The following GULP1 variants were observed in gnomAD, a reference collection of about 807,000 sequenced individuals.
GULP1 encodes the protein PTB domain-containing engulfment adapter protein 1.
Under a neutral mutation model 40.9 loss-of-function variants are expected in GULP1, and 19 were observed. The observed-to-expected ratio is 0.46, with a 90% CI of 0.32 to 0.68. The LOEUF is 0.68. Ranked by LOEUF, GULP1 falls within the 30% of genes least tolerant of loss-of-function variation. GULP1 has a pLI of 0.03. For synonymous variants in GULP1, 119 were observed against 117.6 expected, an observed-to-expected ratio of 1.01 and a Z score of -0.08; for missense variants, 312 against 362.2, an observed-to-expected ratio of 0.86 and a Z score of 1.12.
At chr2:188,507,211 A>G (rs904523411) in intron 4 of GULP1, among the ~76,000 whole-genome samples, 4 of 151,862 alleles carry the variant, frequency 2.6e-5, no homozygotes, top group African/African-American at 7.3e-5. Context: ...ATAAAATGCT[A>G]TCTATCTTCA....
intron 2 of GULP1, among the ~76,000 whole-genome samples, chr2:188,454,934 G>A (rs2059137962): frequency 6.6e-6 from 1 of 151,996 alleles, no homozygotes; most frequent in Non-Finnish European, 1.5e-5. Flanking sequence ...TCCGGCCTGG[G>A]AAACATAGTG....
At chr2:188,461,956 T>A (rs2059741276) in intron 2 of GULP1, among the ~76,000 whole-genome samples, 1 of 152,100 alleles carries the variant, frequency 6.6e-6, no homozygotes, top group African/African-American at 2.4e-5. Flanking sequence ...TTATTATTTC[T>A]CCTCTGTTGG....
intron 4 of GULP1, among the ~76,000 whole-genome samples, chr2:188,517,549 C>T (rs987545876): frequency 1.3e-5 from 2 of 151,934 alleles, no homozygotes; most frequent in Non-Finnish European, 2.9e-5. Context: ...AGGCTTTTCT[C>T]GAATATATTC....
intron 2 of GULP1, among the ~76,000 whole-genome samples, chr2:188,430,562 A>G (rs1397407961): frequency 6.6e-6 from 1 of 152,218 alleles, no homozygotes; most frequent in African/African-American, 2.4e-5. Flanking sequence ...AACACTTTAA[A>G]CATATGTTTG....
chr2:188,403,287 G>T (rs1224747663), intron 2 of GULP1, among the ~76,000 whole-genome samples: 1 of 151,912 alleles, frequency 6.6e-6, no homozygotes, highest in Non-Finnish European at 1.5e-5. Flanking sequence ...ATTACGAAGA[G>T]ATTCCAAGGT....
intron 4 of GULP1, among the ~76,000 whole-genome samples, chr2:188,492,248 T>A (rs544104846): frequency 1.3e-5 from 2 of 152,082 alleles, no homozygotes; most frequent in East Asian, 3.9e-4. Flanking sequence ...GTGTTATATA[T>A]TTAAGAACAA....
At chr2:188,440,747 T>A (rs932227393) in intron 2 of GULP1, among the ~76,000 whole-genome samples, 1 of 152,186 alleles carries the variant, frequency 6.6e-6, no homozygotes, top group African/African-American at 2.4e-5. Flanking sequence ...CAAACCAAGT[T>A]GTTTGTTATC....
intron 2 of GULP1, among the ~76,000 whole-genome samples, chr2:188,442,816 C>G (rs2058051524): frequency 6.6e-6 from 1 of 152,156 alleles, no homozygotes; most frequent in Admixed American, 6.5e-5. Flanking sequence ...AATAATGGCG[C>G]TATAAAATTC....
At chr2:188,453,114 T>G (rs2058968752) in intron 2 of GULP1, among the ~76,000 whole-genome samples, 1 of 152,038 alleles carries the variant, frequency 6.6e-6, no homozygotes, top group Non-Finnish European at 1.5e-5. Flanking sequence ...CACTATGCCC[T>G]TCTTTTTAAT....
intron 1 of GULP1, among the ~76,000 whole-genome samples, chr2:188,332,981 T>G (rs2041813097): frequency 6.6e-6 from 1 of 152,180 alleles, no homozygotes; most frequent in South Asian, 2.1e-4. Flanking sequence ...TGGTGGCTCA[T>G]GCCTGTAATC....
intron 2 of GULP1, among the ~76,000 whole-genome samples, chr2:188,441,022 A>T (rs748025538): frequency 2.0e-5 from 3 of 152,158 alleles, no homozygotes; most frequent in African/African-American, 7.2e-5. Context: ...TTTGGTTTGC[A>T]TATTAGAGGG....
intron 2 of GULP1, among the ~76,000 whole-genome samples, chr2:188,453,637 T>C (rs571550130): frequency 6.6e-6 from 1 of 152,336 alleles, no homozygotes; most frequent in Non-Finnish European, 1.5e-5. Context: ...TATTGACATA[T>C]TCCAAGATAC....
intron 7 of GULP1, among the ~76,000 whole-genome samples, chr2:188,558,511 A>C (rs1399912760): frequency 1.3e-5 from 2 of 152,172 alleles, no homozygotes; most frequent in African/African-American, 4.8e-5. Flanking sequence ...AAACAGACTA[A>C]TAGTGTAAAT....
chr2:188,402,281 A>G (rs548441104), intron 2 of GULP1, among the ~76,000 whole-genome samples: 1 of 152,192 alleles, frequency 6.6e-6, no homozygotes, highest in Admixed American at 6.5e-5. Flanking sequence ...CACGTTTTTG[A>G]TCATTGCTTA....
chr2:188,556,882 T>A (rs987038252), intron 7 of GULP1, among the ~76,000 whole-genome samples: 1 of 151,842 alleles, frequency 6.6e-6, no homozygotes, highest in South Asian at 2.1e-4. Flanking sequence ...AAATTAGCCA[T>A]GTGTGGTGGC....
intron 7 of GULP1, among the ~76,000 whole-genome samples, chr2:188,562,695 T>C (rs974251087): frequency 1.3e-5 from 2 of 152,132 alleles, no homozygotes; most frequent in Non-Finnish European, 2.9e-5. Flanking sequence ...ACCACTTTAA[T>C]AGACGTGAAT....
At chr2:188,512,152 G>A (rs2153204096) in intron 4 of GULP1, among the ~76,000 whole-genome samples, 1 of 152,084 alleles carries the variant, frequency 6.6e-6, no homozygotes, top group East Asian at 1.9e-4. Context: ...GTAGCTAACA[G>A]GCTTAAATAC....
chr2:188,372,128 A>G (rs2047681798), intron 1 of GULP1, among the ~76,000 whole-genome samples: 1 of 152,086 alleles, frequency 6.6e-6, no homozygotes, highest in Non-Finnish European at 1.5e-5. Context: ...TATTATCTTC[A>G]TTAACTGTAT....
chr2:188,551,728 A>G (rs571446095), intron 7 of GULP1, among the ~76,000 whole-genome samples: 1 of 151,654 alleles, frequency 6.6e-6, no homozygotes, highest in African/African-American at 2.4e-5. Context: ...GTATATTTGC[A>G]GGTTTTTTTT....
Sources: gnomAD v4.1 joint callset for allele counts (sites outside exome capture counted in the v4.1 genomes callset) on GRCh38, gnomAD v4.1.1 for gene constraint, MANE v1.5 for transcripts, NCBI Gene and HGNC (gene_info 2026-07-23, HGNC 2026-07-21) for gene names.